The following SLC4A7 variants were observed in gnomAD, a reference collection of about 807,000 sequenced individuals.
The protein encoded by SLC4A7 is sodium bicarbonate cotransporter 3.
Under a neutral mutation model 137.6 loss-of-function variants are expected in SLC4A7, and 51 were observed. The observed-to-expected ratio is 0.37, with a 90% CI of 0.30 to 0.47. SLC4A7 has a LOEUF of 0.47. Ranked by LOEUF, SLC4A7 falls within the 20% of genes least tolerant of loss-of-function variation. The pLI, the probability that SLC4A7 is intolerant of heterozygous loss-of-function variation, is 1.00. For synonymous variants in SLC4A7, 542 were observed against 518.6 expected, an observed-to-expected ratio of 1.05 and a Z score of -0.61; for missense variants, 1,247 against 1,525.4, an observed-to-expected ratio of 0.82 and a Z score of 3.04.
At position 27,376,755 on chromosome 3, in the gene SLC4A7, G is replaced by T; in HGVS notation, c.*9C>A. On this transcript the variant is annotated 3_prime_UTR_variant, in exon 26 of 26. Coordinates refer to ENST00000454389, the MANE Select transcript of SLC4A7 (RefSeq NM_001321103.2). ...TATATCTATATGTATAATGCCTCTT[G>T]GTTCAATTCTATAATGAAGTTTCAG... 1 of 1,550,346 alleles carries T rather than the reference G, an allele frequency of 6.5e-7. No individual in the cohort carries two copies. The highest frequency in any genetic ancestry group is 8.9e-7 in the Non-Finnish European group (1 of 1,128,394).
Position 27,433,907 on chromosome 3 carries a change from T to C in SLC4A7, c.778+9A>G, listed in dbSNP as rs1576435453. 6.2e-7 allele frequency: 1 copy of C among 1,613,132 alleles called. No homozygotes were observed. Among genetic ancestry groups the C allele is most frequent in the Non-Finnish European group, 8.5e-7 (1 of 1,179,540 alleles). ...GTTAGCAAAAATTGGATGCCACAAC[T>C]TATCTCACCATTCCTTTCAAGCAAG... On this transcript the variant is annotated intron_variant, in intron 6 of 25. Coordinates refer to ENST00000454389, the MANE Select transcript of SLC4A7 (RefSeq NM_001321103.2).
chr3:27,458,978 G>A (rs1457792043), intron 1 of SLC4A7, among the ~76,000 whole-genome samples: 1 of 152,070 alleles, frequency 6.6e-6, no homozygotes, highest in Non-Finnish European at 1.5e-5. Context: ...CTGGACAACA[G>A]AGCGAGATTC....
Position 27,434,094 on chromosome 3 carries a change from T to C in SLC4A7, c.600A>G (p.Leu200=), listed in dbSNP as rs777555330. The C allele has an allele frequency of 5.6e-6, 9 of 1,605,946 alleles. No homozygotes were observed. The South Asian group carries it at 1.0e-4, about 18-fold the overall frequency. ...STLDEIADMV[L]DNMIASGQLD... ...ATTGGCCAGAAGCTATCATGTTGTC[T>C]AATACCATATCTATTCAATGAAAAA... is the stretch of plus-strand genomic sequence containing the variant. Residue 200 remains leucine, a synonymous_variant, in exon 6 of 26, where the codon TTA becomes TTG. Transcript: ENST00000454389.
At position 27,437,527 on chromosome 3, in the gene SLC4A7, CT is replaced by C. The variant is rs2056830922; in HGVS notation, c.290-2del. The C allele has an allele frequency of 6.5e-7, 1 of 1,529,604 alleles. No individual in the cohort carries two copies. 94.8% of individuals were successfully genotyped at this position (1,529,604 alleles called of 1,614,324 possible). The stretch of plus-strand genomic sequence containing the variant: ...AACTGAACTCTCTGGGATGGTGTAT[CT>C]TTACAAAATAAGAATTTACATATAC... On this transcript the variant is annotated splice_acceptor_variant, in intron 3 of 25. Coordinates refer to ENST00000454389, the MANE Select transcript of SLC4A7 (RefSeq NM_001321103.2). LOFTEE classifies it high-confidence loss of function.
chr3:27,435,428 CT>C (rs1325878894), intron 5 of SLC4A7, among the ~76,000 whole-genome samples: 1 of 152,148 alleles, frequency 6.6e-6, no homozygotes, highest in Non-Finnish European at 1.5e-5. Context: ...TAAACTCTTC[CT>C]AATCCAAAGC....
intron 1 of SLC4A7, among the ~76,000 whole-genome samples, chr3:27,470,717 C>T (rs1228453175): frequency 2.7e-5 from 4 of 150,698 alleles, no homozygotes; most frequent in Non-Finnish European, 5.9e-5. Flanking sequence ...CCGAGGCAGG[C>T]GGCTCACAAG....
chr3:27,456,819 C>G, intron 1 of SLC4A7: 9 of 1,438,182 alleles, frequency 6.3e-6, no homozygotes, highest in Non-Finnish European at 8.2e-6. Context: ...TTTTATGGTA[C>G]AGCCAATCAC....
At chr3:27,427,495 A>G (rs574727345) in intron 7 of SLC4A7, among the ~76,000 whole-genome samples, 1 of 152,146 alleles carries the variant, frequency 6.6e-6, no homozygotes, top group East Asian at 1.9e-4. Context: ...TATAACTTTT[A>G]TACATATAAT....
At chr3:27,409,019 C>A (rs921755207) in intron 13 of SLC4A7, among the ~76,000 whole-genome samples, 3 of 152,226 alleles carry the variant, frequency 2.0e-5, no homozygotes, top group Non-Finnish European at 4.4e-5. Context: ...TAAAAACCCC[C>A]ATGACCCACC....
chr3:27,450,396 A>T (rs566390898), intron 2 of SLC4A7, among the ~76,000 whole-genome samples: 144 of 152,320 alleles, frequency 9.5e-4, no homozygotes, highest in African/African-American at 2.6e-3. Flanking sequence ...GAATACATTT[A>T]AAAAAGTGTG....
At chr3:27,471,937 T>C (rs1364706131) in intron 1 of SLC4A7, among the ~76,000 whole-genome samples, 1 of 152,204 alleles carries the variant, frequency 6.6e-6, no homozygotes, top group African/African-American at 2.4e-5. Flanking sequence ...GCTGAAAATA[T>C]TATCATTCTG....
chr3:27,454,434 C>T (rs1216355655), intron 1 of SLC4A7, among the ~76,000 whole-genome samples: 1 of 152,182 alleles, frequency 6.6e-6, no homozygotes, highest in Non-Finnish European at 1.5e-5. Context: ...TCACTTTACC[C>T]CAGCCTGGGA....
rs1182766081 is a variant in SLC4A7, at chr3:27,421,760, C to T, written c.1286G>A (p.Arg429Lys). ...DFSKVDMNFM[R>K]KIPTGAEASN... ...TGCCTCAGCACCCGTAGGAATTTTT[C>T]TCATGAAATTCATATCAACCTATTG... The change falls in exon 9 of 26, where the codon AGA becomes AAA. Residue 429 changes from arginine to lysine, a missense_variant. By Grantham distance (26) the Arg-to-Lys change is conservative (BLOSUM62 2). Transcript: ENST00000454389. 4 of 1,612,202 alleles carry T rather than the reference C, an allele frequency of 2.5e-6. No homozygotes were observed. The highest frequency in any genetic ancestry group is 3.4e-6 in the Non-Finnish European group (4 of 1,178,752).
chr3:27,426,605 T>G (rs1202070745), intron 7 of SLC4A7, among the ~76,000 whole-genome samples: 3 of 152,122 alleles, frequency 2.0e-5, no homozygotes. Flanking sequence ...ATGAGAAGAC[T>G]CTAAGGAAAA....
intron 12 of SLC4A7, among the ~76,000 whole-genome samples, chr3:27,410,949 GT>G (rs149706418): frequency 2.0e-5 from 3 of 151,572 alleles, no homozygotes. Flanking sequence ...AAGATTCCCT[GT>G]TTTTTTTACA....
chr3:27,444,470 T>C (rs1311440037), intron 3 of SLC4A7, among the ~76,000 whole-genome samples: 1 of 152,220 alleles, frequency 6.6e-6, no homozygotes, highest in East Asian at 1.9e-4. Flanking sequence ...TCCCACAAAT[T>C]ACTGATGCTC....
intron 25 of SLC4A7, among the ~76,000 whole-genome samples, chr3:27,377,761 G>GT (rs2050039141): frequency 1.3e-5 from 2 of 152,146 alleles, no homozygotes; most frequent in South Asian, 2.1e-4. Context: ...TTGATTAATT[G>GT]TAACATATGA....
intron 1 of SLC4A7, among the ~76,000 whole-genome samples, chr3:27,482,489 G>A (rs2059754480): frequency 6.6e-6 from 1 of 152,154 alleles, no homozygotes; most frequent in African/African-American, 2.4e-5. Context: ...AATTACAGAA[G>A]GCCAGGCGCG....
intron 18 of SLC4A7, among the ~76,000 whole-genome samples, chr3:27,396,454 A>G (rs1017590521): frequency 2.6e-5 from 4 of 152,146 alleles, no homozygotes; most frequent in Non-Finnish European, 5.9e-5. Flanking sequence ...ACCAATATTA[A>G]TTCATAGTTT....
Sources: allele counts gnomAD v4.1 joint callset (sites outside exome capture counted in the v4.1 genomes callset), GRCh38; gene constraint gnomAD v4.1.1; transcripts MANE v1.5; gene names NCBI Gene and HGNC (gene_info 2026-07-23, HGNC 2026-07-21).